The following MRGPRX3 variants were observed in gnomAD, a reference collection of about 807,000 sequenced individuals.
The protein encoded by MRGPRX3 is mas-related G protein-coupled receptor member X3.
A neutral mutation model predicts 16.5 loss-of-function variants in MRGPRX3; 14 were observed. The ratio of observed to expected loss-of-function variants is 0.85; its 90% CI spans 0.56 to 1.33. The LOEUF is 1.33. MRGPRX3 is among the 40% of genes most tolerant of loss of function. MRGPRX3 has a pLI of 0.00. For synonymous variants in MRGPRX3, 199 were observed against 180.1 expected (o/e 1.10, Z -0.84); for missense variants, 449 against 413.0 (o/e 1.09, Z -0.76).
upstream of MRGPRX3, among the ~76,000 whole-genome samples, chr11:18,130,494 C>T (rs1040739711): frequency 2.6e-5 from 4 of 152,018 alleles, no homozygotes; most frequent in Non-Finnish European, 5.9e-5. Flanking sequence ...ACAAGGAAAA[C>T]TACAAAACAC....
intron 1 of MRGPRX3, among the ~76,000 whole-genome samples, chr11:18,123,267 CT>C (rs1848858606): frequency 1.3e-5 from 2 of 152,022 alleles, no homozygotes; most frequent in Non-Finnish European, 1.5e-5. Flanking sequence ...TTGCCCATGC[CT>C]ATGTCCCGAA....
Position 18,138,381 on chromosome 11 carries a change from A to G in MRGPRX3, c.*210A>G, listed in dbSNP as rs991792739. The stretch of plus-strand genomic sequence containing the variant: ...CAGTACAATGTTTGGATTCTCCTTG[A>G]TATTACCAATACATTTTCCCTGTTA... On this transcript the variant is annotated 3_prime_UTR_variant, in exon 2 of 2. Coordinates refer to ENST00000621697, the MANE Select transcript of MRGPRX3 (RefSeq NM_001370464.1). 1 of 645,470 alleles carries G rather than the reference A, an allele frequency of 1.5e-6. No homozygotes were observed. Among genetic ancestry groups the G allele is most frequent in the Non-Finnish European group, 2.5e-6 (1 of 394,688 alleles). The allele number at this position is 645,470 out of a possible 1,614,324, so 40.0% of individuals were successfully genotyped here. A position where few individuals can be genotyped will look rare whatever the true frequency, so the allele number is the denominator to read the frequency against.
chr11:18,136,839 T>C (rs1304683841), intron 1 of MRGPRX3, among the ~76,000 whole-genome samples: 2 of 152,178 alleles, frequency 1.3e-5, no homozygotes, highest in South Asian at 2.1e-4. Flanking sequence ...CACCTCTTTG[T>C]GTATCTGAAT....
intron 1 of MRGPRX3, among the ~76,000 whole-genome samples, chr11:18,126,136 CTCTT>C (rs1166356317): frequency 6.6e-6 from 1 of 152,166 alleles, no homozygotes; most frequent in East Asian, 1.9e-4. Context: ...TGGGTCTTGA[CTCTT>C]TATCCAATTT....
At chr11:18,121,808 C>G (rs960587319) in intron 1 of MRGPRX3, among the ~76,000 whole-genome samples, 5 of 152,100 alleles carry the variant, frequency 3.3e-5, no homozygotes, top group African/African-American at 9.6e-5. Flanking sequence ...GCAGCATGCT[C>G]GTTAAGAGTC....
At chr11:18,133,458 T>C (rs1379424028) in intron 1 of MRGPRX3, among the ~76,000 whole-genome samples, 3 of 152,208 alleles carry the variant, frequency 2.0e-5, no homozygotes, top group Admixed American at 6.5e-5. Context: ...AGGAAGGGCC[T>C]TGTGGGAGAT....
chr11:18,123,752 G>T (rs1408019648), intron 1 of MRGPRX3, among the ~76,000 whole-genome samples: 1 of 152,136 alleles, frequency 6.6e-6, no homozygotes, highest in Admixed American at 6.5e-5. Context: ...GATGGGGATG[G>T]CATTGAATCT....
chr11:18,123,495 C>T (rs1397005917), intron 1 of MRGPRX3, among the ~76,000 whole-genome samples: 6 of 151,992 alleles, frequency 3.9e-5, no homozygotes, highest in South Asian at 4.2e-4. Context: ...ATCAGATAGT[C>T]GTAGATATGT....
chr11:18,137,634 C>T lies in MRGPRX3; in HGVS notation c.432C>T (p.Val144=). ...RPRYLSSVMC[V]LLWALSLLRS... is the part of the protein sequence containing the mutation. Reference sequence around the variant, plus strand: ...GATACCTGTCATCAGTCATGTGTGTCCTGCTCTGGGCCCTGTCCCTGCTGC... The same window carrying T: ...GATACCTGTCATCAGTCATGTGTGTTCTGCTCTGGGCCCTGTCCCTGCTGC... The change falls in exon 2 of 2, where the codon GTC becomes GTT. Residue 144 remains valine, a synonymous_variant. Coordinates refer to ENST00000621697, the MANE Select transcript of MRGPRX3 (RefSeq NM_001370464.1). 6.2e-7 allele frequency: 1 copy of T among 1,614,150 alleles called. No homozygotes were observed. The highest frequency in any genetic ancestry group is 8.5e-7 in the Non-Finnish European group (1 of 1,180,020).
At chr11:18,132,899 A>G in intron 1 of MRGPRX3, among the ~76,000 whole-genome samples, 160 bp downstream of exon 1, 1 of 152,208 alleles carries the variant, frequency 6.6e-6, no homozygotes, top group East Asian at 1.9e-4. Flanking sequence ...GAGTGCTGTC[A>G]ACCCAAACTG....
At chr11:18,133,455 G>T (rs933084677) in intron 1 of MRGPRX3, among the ~76,000 whole-genome samples, 1 of 152,328 alleles carries the variant, frequency 6.6e-6, no homozygotes, top group Middle Eastern at 3.4e-3. Context: ...TGGAGGAAGG[G>T]CCTTGTGGGA....
upstream of MRGPRX3, among the ~76,000 whole-genome samples, chr11:18,129,647 A>C (rs747950038): frequency 6.6e-6 from 1 of 152,226 alleles, no homozygotes. Context: ...AAGCTATTCC[A>C]TAAAGAAAGA....
intron 1 of MRGPRX3, among the ~76,000 whole-genome samples, chr11:18,127,474 T>C (rs1693067723): frequency 6.6e-6 from 1 of 152,230 alleles, no homozygotes; most frequent in Non-Finnish European, 1.5e-5. Flanking sequence ...TCCTTTCTTT[T>C]CATTCTTTTT....
chr11:18,137,552 G>A lies in MRGPRX3; in HGVS notation c.350G>A (p.Ser117Asn). 6 of 1,614,140 alleles carry A rather than the reference G, an allele frequency of 3.7e-6. No homozygotes were observed. The highest frequency in any genetic ancestry group is 5.1e-6 in the Non-Finnish European group (6 of 1,180,034). Reference protein sequence around the residue: ...FIGLSMLSAISTERCLSILWP... With the variant: ...FIGLSMLSAINTERCLSILWP... ...GGCCTAAGCATGCTGAGCGCCATCA[G>A]CACCGAGCGCTGCCTGTCCATCCTG... The change falls in exon 2 of 2, where the codon AGC (serine) becomes AAC (asparagine). Residue 117 changes from serine (S) to asparagine (N), a missense_variant. By Grantham distance (46) the Ser-to-Asn change is conservative. Coordinates refer to ENST00000621697, the MANE Select transcript of MRGPRX3 (RefSeq NM_001370464.1).
chr11:18,137,640 C>G lies in MRGPRX3; in HGVS notation c.438C>G (p.Leu146=), dbSNP rs746729273. The G allele has an allele frequency of 9.3e-6, 15 of 1,614,062 alleles. No homozygotes were observed. Among genetic ancestry groups the G allele is most frequent in the Non-Finnish European group, 1.3e-5 (15 of 1,180,036 alleles). ...RYLSSVMCVL[L]WALSLLRSIL... ...TGTCATCAGTCATGTGTGTCCTGCTCTGGGCCCTGTCCCTGCTGCGGAGTA... is the reference window on the plus strand; with the variant it reads ...TGTCATCAGTCATGTGTGTCCTGCTGTGGGCCCTGTCCCTGCTGCGGAGTA... The change falls in exon 2 of 2, where the codon CTC becomes CTG. Residue 146 remains leucine, a synonymous_variant. Transcript: ENST00000621697.
At position 18,138,070 on chromosome 11, in the gene MRGPRX3, G is replaced by A; in HGVS notation, c.868G>A (p.Val290Ile). The A allele has an allele frequency of 1.2e-6, 2 of 1,614,168 alleles. No homozygotes were observed. Among genetic ancestry groups the A allele is most frequent in the East Asian group, 2.2e-5 (1 of 44,880 alleles). ...QRQNRQNLKL[V>I]LQRALQDTPE... is the part of the protein sequence containing the mutation. Reference sequence around the variant, plus strand: ...TCAAAATAGGCAGAACCTGAAGCTGGTTCTCCAGAGGGCTCTGCAGGACAC... The same window carrying A: ...TCAAAATAGGCAGAACCTGAAGCTGATTCTCCAGAGGGCTCTGCAGGACAC... Residue 290 changes from valine to isoleucine, a missense_variant, in exon 2 of 2, where the codon GTT becomes ATT. Transcript: ENST00000621697.
intron 1 of MRGPRX3, among the ~76,000 whole-genome samples, chr11:18,126,861 T>C (rs1848902718): frequency 1.3e-5 from 2 of 152,232 alleles, no homozygotes; most frequent in South Asian, 4.1e-4. Context: ...ATGGTGTATA[T>C]GTGCCACGTT....
chr11:18,125,593 G>A (rs55867169), intron 1 of MRGPRX3, among the ~76,000 whole-genome samples: 7,767 of 152,128 alleles, frequency 0.051, 662 homozygotes, highest in African/African-American at 0.18. Context: ...TTGCTGAGGA[G>A]TGTTTTACTT....
chr11:18,132,080 T>C (rs1848966085), upstream of MRGPRX3, among the ~76,000 whole-genome samples: 1 of 152,182 alleles, frequency 6.6e-6, no homozygotes, highest in Non-Finnish European at 1.5e-5. Context: ...TAATAAATGA[T>C]TTAATTTCAC....
Sources: allele counts gnomAD v4.1 joint callset (sites outside exome capture counted in the v4.1 genomes callset), GRCh38; gene constraint gnomAD v4.1.1; transcripts MANE v1.5; gene names NCBI Gene and HGNC (gene_info 2026-07-23, HGNC 2026-07-21).